The following GLG1 variants were observed in gnomAD, a reference collection of about 807,000 sequenced individuals.
GLG1 encodes the protein Golgi apparatus protein 1.
GLG1 carries 38 observed loss-of-function variants against 160.5 expected under a neutral mutation model. The ratio of observed to expected loss-of-function variants is 0.24; its 90% CI spans 0.18 to 0.31. The LOEUF is 0.31. GLG1 is among the 10% of genes least tolerant of loss of function. The pLI is 1.00. For missense variants in GLG1, 1,373 were observed against 1,505.2 expected (o/e 0.91, Z 1.45); for synonymous variants, 644 against 543.4 (o/e 1.19, Z -2.57).
Position 74,491,130 on chromosome 16 carries a change from G to C in GLG1, c.1320C>G (p.Ile440Met). The C allele has an allele frequency of 6.2e-7, 1 of 1,613,952 alleles. No homozygotes were observed. Among genetic ancestry groups the C allele is most frequent in the Non-Finnish European group, 8.5e-7 (1 of 1,179,792 alleles). Residue 440 changes from isoleucine (I) to methionine (M), a missense_variant, in exon 8 of 26, where the codon ATC becomes ATG. Coordinates refer to ENST00000422840, the MANE Select transcript of GLG1 (RefSeq NM_001145667.2). Reference protein sequence around the residue: ...LMEDFSLSPEIILSCRGEIEH... With the variant: ...LMEDFSLSPEMILSCRGEIEH... ...CAATCTCCCCCCGACAGCTTAGGAT[G>C]ATCTCAGGGCTCAGAGAAAAGTCTT...
intron 1 of GLG1, among the ~76,000 whole-genome samples, chr16:74,591,234 C>T (rs138314131): frequency 0.015 from 2,272 of 151,560 alleles, 60 homozygotes; most frequent in African/African-American, 0.052. Context: ...AGGAGGCTGA[C>T]GCAGAAGAAT....
chr16:74,494,914 C>T (rs2016131484), intron 5 of GLG1, 83 bp from the exon 6 acceptor site: 1 of 714,102 alleles, frequency 1.4e-6, no homozygotes, highest in African/African-American at 1.8e-5. Context: ...ATAGAGCTTT[C>T]TATTAAACGA....
intron 9 of GLG1, among the ~76,000 whole-genome samples, chr16:74,484,632 G>A (rs1335892585): frequency 6.6e-6 from 1 of 152,150 alleles, no homozygotes; most frequent in Non-Finnish European, 1.5e-5. Context: ...ATGGTGTCAT[G>A]TGCCTGCAAT....
At chr16:74,540,863 A>G (rs1597326695) in intron 1 of GLG1, among the ~76,000 whole-genome samples, 1 of 152,326 alleles carries the variant, frequency 6.6e-6, no homozygotes, top group South Asian at 2.1e-4. Context: ...AAGAGATAAA[A>G]GGCCTTGTTT....
intron 1 of GLG1, among the ~76,000 whole-genome samples, chr16:74,596,611 C>G (rs1326539333): frequency 6.6e-6 from 1 of 152,214 alleles, no homozygotes; most frequent in African/African-American, 2.4e-5. Context: ...CAGCACATCT[C>G]AATTCAAACA....
At chr16:74,505,178 G>T (rs538379062) in intron 3 of GLG1, among the ~76,000 whole-genome samples, 1 of 152,208 alleles carries the variant, frequency 6.6e-6, no homozygotes, top group Non-Finnish European at 1.5e-5. Flanking sequence ...GGTGCTGGAT[G>T]AAGGACACAC....
intron 1 of GLG1, among the ~76,000 whole-genome samples, chr16:74,560,955 G>GAA (rs11431059): frequency 7.2e-5 from 11 of 152,060 alleles, no homozygotes; most frequent in Admixed American, 2.0e-4. Context: ...TGTTTGCTGA[G>GAA]AAAAAAAGTT....
intron 3 of GLG1, among the ~76,000 whole-genome samples, chr16:74,505,622 A>C (rs1467572458): frequency 6.6e-6 from 1 of 152,198 alleles, no homozygotes; most frequent in Non-Finnish European, 1.5e-5. Context: ...TGGGAGGCTG[A>C]GGCAGGTGGA....
Position 74,483,085 on chromosome 16 carries a change from C to G in GLG1, c.1611G>C (p.Lys537Asn), listed in dbSNP as rs1411605702. The change falls in exon 10 of 26, where the codon AAG becomes AAC. Residue 537 changes from lysine (K) to asparagine (N), a missense_variant. By Grantham distance (94) the Lys-to-Asn change is moderately conservative. Around this residue, in one of 4 missense-constraint regions of GLG1, gnomAD observed 386 missense variants for 388.5 expected, o/e 0.99. Transcript: ENST00000422840. The stretch of plus-strand genomic sequence containing the variant: ...GACGGTGTTCACAGTCTTCTACCAT[C>G]TTCTCTGTGTATAAATGTTCCATCA... ...SCLMEHLYTE[K>N]MVEDCEHRLL... The G allele has an allele frequency of 5.0e-6, 8 of 1,610,108 alleles. No homozygotes were observed. The highest frequency in any genetic ancestry group is 1.1e-5 in the South Asian group (1 of 91,018).
intron 1 of GLG1, among the ~76,000 whole-genome samples, chr16:74,566,657 C>A (rs907566234): frequency 2.0e-5 from 3 of 152,002 alleles, no homozygotes; most frequent in Non-Finnish European, 4.4e-5. Flanking sequence ...TTGTAATTTG[C>A]CTTTTATATC....
chr16:74,602,011 A>G (rs1031048291), intron 1 of GLG1, among the ~76,000 whole-genome samples: 25 of 152,154 alleles, frequency 1.6e-4, no homozygotes, highest in African/African-American at 6.0e-4. Flanking sequence ...CATTATCATT[A>G]TCATTGATAA....
At chr16:74,581,025 C>G (rs1015583504) in intron 1 of GLG1, among the ~76,000 whole-genome samples, 1 of 152,190 alleles carries the variant, frequency 6.6e-6, no homozygotes, top group East Asian at 1.9e-4. Context: ...GAAATTAGAA[C>G]TCTCTGAACT....
At chr16:74,587,050 C>G (rs1958070701) in intron 1 of GLG1, among the ~76,000 whole-genome samples, 1 of 152,152 alleles carries the variant, frequency 6.6e-6, no homozygotes. Flanking sequence ...TTTAATATGT[C>G]AGAAGTTAAA....
At chr16:74,522,776 T>C (rs1309863899) in intron 2 of GLG1, among the ~76,000 whole-genome samples, 2 of 152,192 alleles carry the variant, frequency 1.3e-5, no homozygotes, top group Non-Finnish European at 2.9e-5. Flanking sequence ...CTGAAGCTCC[T>C]GGGCTCAAGC....
intron 2 of GLG1, among the ~76,000 whole-genome samples, chr16:74,519,174 T>A (rs916699667): frequency 1.3e-5 from 2 of 152,210 alleles, no homozygotes; most frequent in Non-Finnish European, 2.9e-5. Flanking sequence ...GATGAGTTCA[T>A]GTCTTTTGCA....
intron 11 of GLG1, among the ~76,000 whole-genome samples, chr16:74,478,842 G>A (rs1460385763): frequency 5.6e-5 from 8 of 143,630 alleles, no homozygotes; most frequent in Admixed American, 3.5e-4. Flanking sequence ...GTGGTGAGCC[G>A]AGATCACACC....
intron 4 of GLG1, among the ~76,000 whole-genome samples, chr16:74,497,932 G>A (rs180742928): frequency 3.3e-5 from 5 of 152,220 alleles, no homozygotes; most frequent in East Asian, 1.9e-4. Flanking sequence ...TACACAAAAC[G>A]CTTCTGAGAG....
At chr16:74,511,163 C>T (rs1241321448) in intron 2 of GLG1, among the ~76,000 whole-genome samples, 3 of 151,950 alleles carry the variant, frequency 2.0e-5, no homozygotes, top group Non-Finnish European at 2.9e-5. Context: ...GGGGGTGACA[C>T]GACCAGATCT....
intron 1 of GLG1, among the ~76,000 whole-genome samples, chr16:74,576,623 A>G (rs2019011769): frequency 6.6e-6 from 1 of 152,214 alleles, no homozygotes; most frequent in East Asian, 1.9e-4. Context: ...CCCTTGGACT[A>G]CAGTTTGCCC....
Sources: allele counts gnomAD v4.1 joint callset (sites outside exome capture counted in the v4.1 genomes callset), GRCh38; gene constraint gnomAD v4.1.1; regional missense constraint gnomAD v4.1.1; transcripts MANE v1.5; gene names NCBI Gene and HGNC (gene_info 2026-07-23, HGNC 2026-07-21).